Variants in LIN28B observed in about 807,000 individuals in gnomAD.
LIN28B encodes the protein protein lin-28 homolog B.
LIN28B carries 5 observed loss-of-function variants against 21.9 expected under a neutral mutation model. The ratio of observed to expected loss-of-function variants is 0.23; its 90% CI spans 0.12 to 0.48. LIN28B has a LOEUF of 0.48. LIN28B is among the 20% of genes least tolerant of loss of function. LIN28B has a pLI of 0.98. For synonymous variants in LIN28B, 109 were observed against 111.3 expected (o/e 0.98, Z 0.13); for missense variants, 245 against 310.5 (o/e 0.79, Z 1.58).
intron 2 of LIN28B, among the ~76,000 whole-genome samples, chr6:105,016,552 C>T (rs1223739733): frequency 1.3e-5 from 2 of 152,070 alleles, no homozygotes; most frequent in African/African-American, 4.8e-5. Context: ...CAGATAGGAC[C>T]TTGGGACTCT....
At chr6:104,973,758 T>C (rs768139482) in intron 2 of LIN28B, among the ~76,000 whole-genome samples, 1 of 152,378 alleles carries the variant, frequency 6.6e-6, no homozygotes, top group South Asian at 2.1e-4. Flanking sequence ...TGAAAAAATG[T>C]CTGTTCTGTC....
intron 3 of LIN28B, among the ~76,000 whole-genome samples, chr6:105,061,664 A>G (rs1772123654): frequency 1.3e-5 from 2 of 152,066 alleles, no homozygotes; most frequent in African/African-American, 4.8e-5. Context: ...ACCAACAGCA[A>G]CCAAATGAAG....
chr6:104,959,850 T>C (rs758711002), intron 2 of LIN28B, among the ~76,000 whole-genome samples: 2 of 152,200 alleles, frequency 1.3e-5, no homozygotes, highest in Non-Finnish European at 2.9e-5. Flanking sequence ...GTTTTATAGA[T>C]GAATGAAAAA....
intron 3 of LIN28B, among the ~76,000 whole-genome samples, chr6:105,029,589 T>C (rs1322931979): frequency 1.3e-5 from 2 of 151,904 alleles, no homozygotes; most frequent in East Asian, 3.9e-4. Context: ...GAAGAGTAGG[T>C]TTGGAAATTT....
intron 3 of LIN28B, among the ~76,000 whole-genome samples, chr6:105,030,612 T>C (rs866502290): frequency 0.027 from 4,011 of 147,338 alleles, 70 homozygotes; most frequent in African/African-American, 0.093. Context: ...TTTTTTTTTT[T>C]TGGAGACAGA....
At chr6:105,077,245 CTGT>C (rs1167466522) in intron 3 of LIN28B, among the ~76,000 whole-genome samples, 3 of 152,062 alleles carry the variant, frequency 2.0e-5, no homozygotes, top group Admixed American at 6.6e-5. Context: ...TATATATAAC[CTGT>C]TGTTCTTTGT....
At chr6:104,990,203 T>G (rs184054067) in intron 2 of LIN28B, among the ~76,000 whole-genome samples, 73 of 151,460 alleles carry the variant, frequency 4.8e-4, no homozygotes, top group Admixed American at 1.2e-3. Flanking sequence ...TTTAATCCTT[T>G]CAGGATTTGT....
At chr6:104,972,938 C>T (rs1014922591) in intron 2 of LIN28B, among the ~76,000 whole-genome samples, 1 of 151,944 alleles carries the variant, frequency 6.6e-6, no homozygotes, top group Non-Finnish European at 1.5e-5. Flanking sequence ...TGGCAAAACG[C>T]TGTCTCTACT....
intron 3 of LIN28B, among the ~76,000 whole-genome samples, chr6:105,027,002 C>T (rs1771299459): frequency 6.6e-6 from 1 of 151,930 alleles, no homozygotes; most frequent in South Asian, 2.1e-4. Flanking sequence ...TATTTCATGT[C>T]AATTGTTATC....
At chr6:105,024,063 A>G (rs753588474) in intron 2 of LIN28B, among the ~76,000 whole-genome samples, 1 of 152,062 alleles carries the variant, frequency 6.6e-6, no homozygotes, top group South Asian at 2.1e-4. Context: ...ATCTCCGCTC[A>G]CTGCAACCTC....
chr6:105,013,957 T>C (rs1160739662), intron 2 of LIN28B, among the ~76,000 whole-genome samples: 1 of 152,190 alleles, frequency 6.6e-6, no homozygotes, highest in Non-Finnish European at 1.5e-5. Context: ...ATTTTTCTCT[T>C]GTGTTTCTAC....
At chr6:104,950,635 A>G in intron 3 of LIN28B, 1 of 473,792 alleles carries the variant, frequency 2.1e-6, no homozygotes, top group Non-Finnish European at 3.4e-6. Context: ...TTGGCAAGAC[A>G]GGTACCAAGT....
intron 3 of LIN28B, among the ~76,000 whole-genome samples, chr6:105,048,847 G>C (rs1322451285): frequency 2.0e-5 from 3 of 152,134 alleles, no homozygotes; most frequent in African/African-American, 7.2e-5. Flanking sequence ...GTATTTCTGT[G>C]GGATTGGTGG....
intron 1 of LIN28B, among the ~76,000 whole-genome samples, chr6:104,957,801 T>C (rs2114565226): frequency 6.6e-6 from 1 of 152,234 alleles, no homozygotes; most frequent in African/African-American, 2.4e-5. Context: ...AAGTATCGCA[T>C]GCTGTAATGT....
At chr6:105,019,074 T>C (rs1005253087) in intron 2 of LIN28B, among the ~76,000 whole-genome samples, 1 of 152,088 alleles carries the variant, frequency 6.6e-6, no homozygotes, top group African/African-American at 2.4e-5. Flanking sequence ...GCTTCCCTAG[T>C]AGCTGGGATT....
chr6:105,001,508 C>CT (rs892865114), intron 2 of LIN28B, among the ~76,000 whole-genome samples: 1 of 152,104 alleles, frequency 6.6e-6, no homozygotes, highest in African/African-American at 2.4e-5. Flanking sequence ...TATTTATATG[C>CT]TTTTTTCCTA....
At chr6:104,987,537 G>A (rs1770372763) in intron 2 of LIN28B, among the ~76,000 whole-genome samples, 1 of 151,988 alleles carries the variant, frequency 6.6e-6, no homozygotes. Flanking sequence ...TTGTTCCCAG[G>A]CTGGCATTGA....
At chr6:104,997,466 G>A (rs1276940181) in intron 2 of LIN28B, among the ~76,000 whole-genome samples, 2 of 151,544 alleles carry the variant, frequency 1.3e-5, no homozygotes, top group Non-Finnish European at 2.9e-5. Context: ...TGATGATGAC[G>A]AAATTGAACT....
At chr6:104,996,465 C>A (rs1770606639) in intron 2 of LIN28B, among the ~76,000 whole-genome samples, 1 of 152,272 alleles carries the variant, frequency 6.6e-6, no homozygotes, top group South Asian at 2.1e-4. Flanking sequence ...CAGCTCCTGA[C>A]TGTGAAGGGC....
Sources: allele counts gnomAD v4.1 joint callset (sites outside exome capture counted in the v4.1 genomes callset), GRCh38; gene constraint gnomAD v4.1.1; transcripts MANE v1.5; gene names NCBI Gene and HGNC (gene_info 2026-07-23, HGNC 2026-07-21).